The following BAIAP2L2 variants were observed in gnomAD, a reference collection of about 807,000 sequenced individuals.
BAIAP2L2 encodes BAR/IMD domain-containing adapter protein 2-like 2.
In BAIAP2L2, 65 loss-of-function variants were observed where a neutral mutation model predicts 60.4. The ratio of observed to expected loss-of-function variants is 1.08; its 90% CI spans 0.88 to 1.32. The LOEUF is 1.32. Among genes scored for constraint, BAIAP2L2 ranks in the 40% most tolerant of loss-of-function variants. The probability of loss-of-function intolerance (pLI) is 0.00; values close to 1 mark genes in which losing one functional copy is unlikely to be tolerated. For missense variants in BAIAP2L2, 836 were observed against 741.2 expected, an observed-to-expected ratio of 1.13 and a Z score of -1.48; for synonymous variants, 344 against 301.7, an observed-to-expected ratio of 1.14 and a Z score of -1.45.
intron 4 of BAIAP2L2, among the ~76,000 whole-genome samples, chr22:38,106,953 AGTTAACTTCTG>A (rs1196355614): frequency 1.3e-5 from 2 of 152,134 alleles, no homozygotes; most frequent in Non-Finnish European, 2.9e-5. Flanking sequence ...GGGGCAGGTG[AGTTAACTTCTG>A]GTTATCATAG....
chr22:38,087,661 C>G (rs1338194930), intron 10 of BAIAP2L2, among the ~76,000 whole-genome samples: 1 of 151,970 alleles, frequency 6.6e-6, no homozygotes, highest in East Asian at 1.9e-4. Flanking sequence ...CCCCACTGAC[C>G]CCCTTCCGTT....
At chr22:38,099,388 G>T (rs1490844123) in intron 4 of BAIAP2L2, among the ~76,000 whole-genome samples, 6 of 152,106 alleles carry the variant, frequency 3.9e-5, no homozygotes, top group African/African-American at 1.4e-4. Context: ...GCAAAAATCA[G>T]CCAGGCATGG....
intron 8 of BAIAP2L2, 21 bp from the exon 9 acceptor site, chr22:38,089,252 G>A (rs1195628899): frequency 4.1e-5 from 9 of 218,676 alleles, no homozygotes; most frequent in Non-Finnish European, 6.6e-5. Context: ...GATGGGCAGG[G>A]GAGGGTGGGG....
At chr22:38,100,521 C>T (rs959496175) in intron 4 of BAIAP2L2, among the ~76,000 whole-genome samples, 13 of 130,532 alleles carry the variant, frequency 1.0e-4, no homozygotes, top group Non-Finnish European at 1.1e-4. Context: ...AGTGGAACTC[C>T]GTCTCAATAA....
rs865817842 is a variant in BAIAP2L2, at chr22:38,088,066, C to G, written c.1118+682G>C. 1.1e-4 allele frequency among the ~76,000 whole-genome samples: 17 copies of G among 152,342 alleles called. No individual in the cohort carries two copies. The Middle Eastern group carries it at 0.01, about 91-fold the overall frequency. ...CCGCTCTGCCCATGCACGCATTCAT[C>G]CTGCGCTGCTTCTCTCCTGCAGCAG... On this transcript the variant is annotated intron_variant, in intron 10 of 13. Coordinates refer to ENST00000381669, the MANE Select transcript of BAIAP2L2 (RefSeq NM_025045.6).
At chr22:38,088,986 G>A (rs1473385698) in intron 9 of BAIAP2L2, 22 bp from the exon 10 acceptor site, 4 of 1,482,274 alleles carry the variant, frequency 2.7e-6, no homozygotes, top group African/African-American at 2.9e-5. Flanking sequence ...AGAGCGCGGC[G>A]GCACGTGGGC....
Position 38,107,869 on chromosome 22 carries a change from A to G in BAIAP2L2, c.259T>C (p.Ser87Pro). The change falls in exon 4 of 14, where the codon TCT becomes CCT. Residue 87 changes from serine (S) to proline (P), a missense_variant. Coordinates refer to ENST00000381669, the MANE Select transcript of BAIAP2L2 (RefSeq NM_025045.6). ...QMSDTQRHLN[S>P]DLEVVVQTFH... ...ATACTCACCACCACCTCCAGGTCAG[A>G]GTTCAAGTGCCGCTGGGTGTCAGAC... 6.2e-7 allele frequency: 1 copy of G among 1,613,484 alleles called. No homozygotes were observed. Among genetic ancestry groups the G allele is most frequent in the South Asian group, 1.1e-5 (1 of 91,078 alleles).
At chr22:38,107,739 G>T in intron 4 of BAIAP2L2, 113 bp downstream of exon 4, 1 of 991,058 alleles carries the variant, frequency 1.0e-6, no homozygotes. Context: ...TGCTGGGAAG[G>T]GCAGCCACGG....
At position 38,088,805 on chromosome 22, in the gene BAIAP2L2, ACCT is replaced by A. The variant is rs1467850003; in HGVS notation, c.1058_1060del (p.Glu353del). ...GCCGTTCTGGGCCTCGGGCACCAAC[ACCT>A]CCACCACGTCCCCAGCGGAGAAGCG... On this transcript the variant is annotated inframe_deletion, in exon 10 of 14. Transcript: ENST00000381669. 2 of 1,599,784 alleles carry A rather than the reference ACCT, an allele frequency of 1.3e-6. No individual in the cohort carries two copies. The highest frequency in any genetic ancestry group is 2.7e-5 in the African/African-American group (2 of 74,530).
chr22:38,108,430 T>A, intron 2 of BAIAP2L2, 89 bp from the exon 3 acceptor site: 1 of 1,057,884 alleles, frequency 9.5e-7, no homozygotes, highest in South Asian at 1.5e-5. Flanking sequence ...ACTGTGTCTG[T>A]CCTGGGTGGG....
chr22:38,093,201 C>T (rs2145976194), intron 7 of BAIAP2L2, among the ~76,000 whole-genome samples: 1 of 151,590 alleles, frequency 6.6e-6, no homozygotes, highest in Admixed American at 6.6e-5. Flanking sequence ...TGTGGCACCC[C>T]ACCGGCTCCC....
chr22:38,085,553 T>C (rs1006884462), intron 13 of BAIAP2L2, 133 bp downstream of exon 13: 15 of 1,306,812 alleles, frequency 1.1e-5, no homozygotes, highest in Non-Finnish European at 1.5e-5. Context: ...CTCACAGTGT[T>C]GCTCAAGCTG....
At chr22:38,108,040 C>T (rs1012631938) in intron 3 of BAIAP2L2, 127 bp from the exon 4 acceptor site, 7 of 1,109,466 alleles carry the variant, frequency 6.3e-6, no homozygotes, top group South Asian at 1.4e-5. Flanking sequence ...AGTCCGGGAA[C>T]TTCCCATATG....
rs759851083 is a variant in BAIAP2L2 at position 38,107,950 on chromosome 22, G to A, written c.215-37C>T. The A allele has an allele frequency of 2.5e-6, 4 of 1,606,094 alleles. No homozygotes were observed. The East Asian group carries it at 6.7e-5, about 27-fold the overall frequency. On this transcript the variant is annotated intron_variant, in intron 3 of 13. Transcript: ENST00000381669. ...GATGCAGCTGTGGCTTTGGTGTGTG[G>A]CAGCCTGCCCCGCCCACCCACCACC...
intron 7 of BAIAP2L2, chr22:38,091,056 T>G (rs1404547545): frequency 6.6e-6 from 1 of 152,278 alleles, no homozygotes. Context: ...GTTCTGCATA[T>G]CTTTCTTGTT....
At chr22:38,099,332 G>A (rs1467714175) in intron 4 of BAIAP2L2, among the ~76,000 whole-genome samples, 5 of 152,018 alleles carry the variant, frequency 3.3e-5, no homozygotes, top group African/African-American at 9.7e-5. Context: ...CCAGGAGTTC[G>A]AGACCAGCCT....
intron 4 of BAIAP2L2, among the ~76,000 whole-genome samples, chr22:38,104,640 C>T (rs981630418): frequency 4.6e-5 from 7 of 151,784 alleles, no homozygotes; most frequent in South Asian, 2.1e-4. Flanking sequence ...GGACTACAGG[C>T]GCCCACCACC....
At chr22:38,091,676 G>A (rs570494371) in intron 7 of BAIAP2L2, 4 of 152,178 alleles carry the variant, frequency 2.6e-5, no homozygotes, top group South Asian at 2.1e-4. Context: ...TGAAAAGACC[G>A]ATACATTTTA....
chr22:38,094,261 C>G (rs1189286662), intron 7 of BAIAP2L2, among the ~76,000 whole-genome samples: 1 of 152,166 alleles, frequency 6.6e-6, no homozygotes, highest in Non-Finnish European at 1.5e-5. Flanking sequence ...TCTTGGCTCA[C>G]TGCAACCTCC....
Sources: allele counts gnomAD v4.1 joint callset (sites outside exome capture counted in the v4.1 genomes callset), GRCh38; gene constraint gnomAD v4.1.1; transcripts MANE v1.5; gene names NCBI Gene and HGNC (gene_info 2026-07-23, HGNC 2026-07-21).